The following ZNF735 variants were observed in gnomAD, a reference collection of about 807,000 sequenced individuals.
ZNF735 encodes zinc finger protein 735, also known as putative zinc finger protein 735.
In ZNF735, 11 loss-of-function variants were observed where a neutral mutation model predicts 13.4. That is an observed-to-expected ratio of 0.82 (90% CI 0.52 to 1.36). The LOEUF (loss-of-function observed/expected upper bound fraction) is 1.36, where lower values mean the gene tolerates loss of function less well. Among genes scored for constraint, ZNF735 ranks in the 40% most tolerant of loss-of-function variants. ZNF735 has a pLI of 0.00. For synonymous variants in ZNF735, 171 were observed against 162.6 expected (o/e 1.05, Z -0.39); for missense variants, 500 against 484.6 (o/e 1.03, Z -0.30).
At chr7:64,210,401 G>A (rs191731914) in intron 1 of ZNF735, among the ~76,000 whole-genome samples, 1 of 152,052 alleles carries the variant, frequency 6.6e-6, no homozygotes, top group South Asian at 2.1e-4. Context: ...GCTTTCTCTC[G>A]CTAATGCTAA....
At chr7:64,207,388 C>A in intron 1 of ZNF735, 147 bp downstream of exon 1, 2 of 1,480,036 alleles carry the variant, frequency 1.4e-6, no homozygotes, top group Non-Finnish European at 9.3e-7. Context: ...GCTGTTAGCC[C>A]CCTCCAGCCC....
At chr7:64,208,685 T>C (rs2116475770) in intron 1 of ZNF735, among the ~76,000 whole-genome samples, 1 of 152,324 alleles carries the variant, frequency 6.6e-6, no homozygotes, top group African/African-American at 2.4e-5. Context: ...AGCATAGTAC[T>C]CAACAGATTT....
At chr7:64,213,053 T>C in intron 1 of ZNF735, 39 bp from the exon 2 acceptor site, 2 of 1,579,136 alleles carry the variant, frequency 1.3e-6, no homozygotes, top group Non-Finnish European at 1.7e-6. Flanking sequence ...GGCCATATGG[T>C]AAGTGTGTGT....
At position 64,219,569 on chromosome 7, in the gene ZNF735, A is replaced by G. The variant is rs760396158; in HGVS notation, c.518A>G (p.Asn173Ser). ...GTCTTCAGTAAATTTTCAAATTCCA[A>G]TAGACACAATGCAAGATATACTGGA... is the stretch of plus-strand genomic sequence containing the variant. The change falls in exon 4 of 4, where the codon AAT becomes AGT. Residue 173 changes from asparagine (N) to serine (S), a missense_variant. Coordinates refer to ENST00000429565, the Ensembl canonical transcript of ZNF735. The G allele has an allele frequency of 7.6e-6, 12 of 1,582,660 alleles. 1 individual carries two copies. Among genetic ancestry groups the G allele is most frequent in the South Asian group, 5.7e-5 (5 of 88,472 alleles).
In ZNF735 at chr7:64,213,159, C is replaced by A. The variant is rs767684801; in HGVS notation, c.107C>A (p.Ala36Asp). 15 of 1,612,898 alleles carry A rather than the reference C, an allele frequency of 9.3e-6. No individual in the cohort carries two copies. Among genetic ancestry groups the A allele is most frequent in the Non-Finnish European group, 1.2e-5 (14 of 1,179,560 alleles). The change falls in exon 2 of 4, where the codon GCT becomes GAT. Residue 36 changes from alanine to aspartate, a missense_variant. Ala to Asp is a moderately radical substitution (Grantham distance 126). Coordinates refer to ENST00000429565, the Ensembl canonical transcript of ZNF735. The stretch of plus-strand genomic sequence containing the variant: ...GCGGAGTGGCAATGCCTGGATCATG[C>A]TCAGCAGAATTTATATAGAGATGTG...
rs183236398 is a variant in ZNF735, at chr7:64,213,135, C to A, written c.83C>A (p.Ala28Glu). The change falls in exon 2 of 4, where the codon GCG (alanine) becomes GAG (glutamate). Residue 28 changes from alanine to glutamate, a missense_variant. Transcript: ENST00000429565. ...GACATAGCTATAGAATTCTCTCTGG[C>A]GGAGTGGCAATGCCTGGATCATGCT... is the stretch of plus-strand genomic sequence containing the variant. 65 of 1,612,262 alleles carry A rather than the reference C, an allele frequency of 4.0e-5. No individual in the cohort carries two copies. The Admixed American group carries it at 6.0e-4, about 15-fold the overall frequency.
At chr7:64,207,262 C>T (rs781743559) in intron 1 of ZNF735, 21 bp downstream of exon 1, 7 of 1,614,006 alleles carry the variant, frequency 4.3e-6, no homozygotes, top group Non-Finnish European at 3.4e-6. Context: ...GGTCTGTCAT[C>T]GTGAGAGAGG....
At chr7:64,218,440 G>C (rs1787447347) in intron 3 of ZNF735, among the ~76,000 whole-genome samples, 1 of 151,256 alleles carries the variant, frequency 6.6e-6, no homozygotes, top group Admixed American at 6.6e-5. Context: ...TTCTTCATTT[G>C]TTACATTACT....
chr7:64,210,354 C>T (rs1787340949), intron 1 of ZNF735, among the ~76,000 whole-genome samples: 1 of 152,150 alleles, frequency 6.6e-6, no homozygotes, highest in South Asian at 2.1e-4. Flanking sequence ...TGTTTTGTGA[C>T]AAATTTGGTG....
intron 1 of ZNF735, 133 bp downstream of exon 1, chr7:64,207,374 T>G (rs751148066): frequency 1.3e-6 from 2 of 1,560,124 alleles, no homozygotes; most frequent in African/African-American, 1.4e-5. Flanking sequence ...CTTGGCCCAG[T>G]TCGGCTGTTA....
chr7:64,213,990 A>AC (rs1302159969), intron 2 of ZNF735, 23 bp from the exon 3 acceptor site: 1 of 1,561,082 alleles, frequency 6.4e-7, no homozygotes. Flanking sequence ...GATTTAAGTT[A>AC]CTTTTTTTTC....
At chr7:64,211,007 G>T (rs1787353782) in intron 1 of ZNF735, among the ~76,000 whole-genome samples, 1 of 152,118 alleles carries the variant, frequency 6.6e-6, no homozygotes, top group South Asian at 2.1e-4. Context: ...TGTCCACTCT[G>T]CCTTTTGGAA....
At chr7:64,219,450 T>A (rs772458030) in exon 4 of ZNF735, 4 of 1,613,786 alleles carry the variant, frequency 2.5e-6, no homozygotes, top group Non-Finnish European at 3.4e-6. Context: ...AAAGAGTAGA[T>A]GAGTGTGAGG....
intron 1 of ZNF735, among the ~76,000 whole-genome samples, chr7:64,207,777 A>T (rs908442675): frequency 3.3e-5 from 5 of 152,158 alleles, no homozygotes; most frequent in African/African-American, 1.2e-4. Context: ...TCACGAGGTC[A>T]GGTGTTCGAG....
intron 1 of ZNF735, among the ~76,000 whole-genome samples, chr7:64,209,858 C>G (rs968794545): frequency 6.6e-5 from 10 of 152,108 alleles, no homozygotes; most frequent in African/African-American, 2.4e-4. Context: ...GTATGTTGTA[C>G]TTAATCTCTA....
At chr7:64,214,105 C>T (rs1286289037) in exon 3 of ZNF735, 1 of 1,599,554 alleles carries the variant, frequency 6.3e-7, no homozygotes, top group African/African-American at 1.3e-5. Flanking sequence ...AGCCAAACAC[C>T]CAGGTAGGTG....
At chr7:64,214,552 A>G (rs1352223825) in intron 3 of ZNF735, among the ~76,000 whole-genome samples, 1 of 152,078 alleles carries the variant, frequency 6.6e-6, no homozygotes, top group African/African-American at 2.4e-5. Flanking sequence ...TTTTCTGTAC[A>G]TGCCATTCTG....
At chr7:64,219,094 C>T (rs1787455517) in intron 3 of ZNF735, among the ~76,000 whole-genome samples, 1 of 152,094 alleles carries the variant, frequency 6.6e-6, no homozygotes, top group Non-Finnish European at 1.5e-5. Flanking sequence ...ACATTGTGGT[C>T]ACATGGTGCA....
chr7:64,211,665 G>C (rs996079899), intron 1 of ZNF735, among the ~76,000 whole-genome samples: 9 of 151,562 alleles, frequency 5.9e-5, no homozygotes, highest in African/African-American at 2.2e-4. Flanking sequence ...GGAGTTCGAG[G>C]CCCGCCTGGC....
Sources: allele counts gnomAD v4.1 joint callset (sites outside exome capture counted in the v4.1 genomes callset), GRCh38; gene constraint gnomAD v4.1.1; transcripts MANE v1.5; gene names NCBI Gene and HGNC (gene_info 2026-07-23, HGNC 2026-07-21).